Variants in PHF24 observed in about 807,000 individuals in gnomAD.
PHF24 encodes Galpha inhibitory interacting protein.
Under a neutral mutation model 42.6 loss-of-function variants are expected in PHF24, and 25 were observed. The observed-to-expected ratio is 0.59, with a 90% CI of 0.43 to 0.82. PHF24 has a LOEUF of 0.82. PHF24 is among the 40% of genes least tolerant of loss of function. The probability of loss-of-function intolerance (pLI) is 0.00; values close to 1 mark genes in which losing one functional copy is unlikely to be tolerated. For synonymous variants in PHF24, 185 were observed against 204.8 expected, an observed-to-expected ratio of 0.90 and a Z score of 0.83; for missense variants, 470 against 538.1, an observed-to-expected ratio of 0.87 and a Z score of 1.25.
chr9:34,745,741 G>A, the PHF24 span, among the ~76,000 whole-genome samples: 96 of 151,264 alleles, frequency 6.3e-4, no homozygotes, highest in Middle Eastern at 0.021. Flanking sequence ...AAGATGCATT[G>A]TACTTCTATA....
the PHF24 span, among the ~76,000 whole-genome samples, chr9:34,887,363 C>A: frequency 6.6e-6 from 1 of 152,152 alleles, no homozygotes; most frequent in African/African-American, 2.4e-5. Context: ...CTAATAGCTC[C>A]CCAATTTACT....
the PHF24 span, among the ~76,000 whole-genome samples, chr9:34,812,376 AT>A: frequency 9.2e-5 from 14 of 152,214 alleles, 1 homozygote; most frequent in Admixed American, 9.2e-4. Context: ...TGTGGAAAAC[AT>A]TTCGTGGTTC....
the PHF24 span, among the ~76,000 whole-genome samples, chr9:34,673,565 G>A: frequency 6.6e-6 from 1 of 151,890 alleles, no homozygotes; most frequent in African/African-American, 2.4e-5. Flanking sequence ...CCACCTCTTG[G>A]GCTCAAGTGA....
the PHF24 span, among the ~76,000 whole-genome samples, chr9:34,853,321 C>T: frequency 2.0e-5 from 3 of 152,102 alleles, no homozygotes; most frequent in Admixed American, 6.5e-5. Flanking sequence ...CCAACATGAC[C>T]ATGGTGGATA....
At chr9:34,848,122 G>A in the PHF24 span, among the ~76,000 whole-genome samples, 13 of 151,974 alleles carry the variant, frequency 8.6e-5, no homozygotes, top group African/African-American at 2.7e-4. Context: ...CATAAAATGA[G>A]TTAGGGAGGA....
chr9:34,692,066 G>A, the PHF24 span, among the ~76,000 whole-genome samples: 1 of 152,120 alleles, frequency 6.6e-6, no homozygotes, highest in East Asian at 1.9e-4. Context: ...GCCGATGGGG[G>A]AGGGGACAAG....
the PHF24 span, among the ~76,000 whole-genome samples, chr9:34,787,241 A>G: frequency 1.3e-5 from 2 of 152,086 alleles, no homozygotes; most frequent in Non-Finnish European, 2.9e-5. Context: ...AAACTAATAA[A>G]TTTTTCAAAC....
intron 1 of PHF24, 22 bp from the exon 2 acceptor site, chr9:34,971,272 GC>G: frequency 6.4e-7 from 1 of 1,569,860 alleles, no homozygotes; most frequent in Admixed American, 1.7e-5. Context: ...CTGAACCTGT[GC>G]CCCTCTGCTT....
the PHF24 span, chr9:34,917,470 G>A: frequency 1.3e-6 from 1 of 770,228 alleles, no homozygotes; most frequent in Non-Finnish European, 2.4e-6. Context: ...AGCTGGTATT[G>A]TGTGAAGTTT....
chr9:34,899,625 G>A, the PHF24 span, among the ~76,000 whole-genome samples: 18 of 152,204 alleles, frequency 1.2e-4, no homozygotes, highest in Non-Finnish European at 2.2e-4. Context: ...AGAATTTCCA[G>A]GGAGTTGGGC....
the PHF24 span, among the ~76,000 whole-genome samples, chr9:34,736,892 C>A: frequency 6.6e-6 from 1 of 152,126 alleles, no homozygotes; most frequent in East Asian, 1.9e-4. Flanking sequence ...GAATTCTATA[C>A]CACGCAAATG....
At chr9:34,771,840 G>A in the PHF24 span, among the ~76,000 whole-genome samples, 3 of 152,212 alleles carry the variant, frequency 2.0e-5, no homozygotes, top group African/African-American at 7.2e-5. Flanking sequence ...ATTTTGTGGT[G>A]CATTTCTCCA....
the PHF24 span, among the ~76,000 whole-genome samples, chr9:34,742,125 C>G: frequency 6.6e-6 from 1 of 152,312 alleles, no homozygotes; most frequent in South Asian, 2.1e-4. Context: ...AATAGAACAT[C>G]TGTATCTGTA....
At chr9:34,810,132 T>TA in the PHF24 span, among the ~76,000 whole-genome samples, 1 of 151,782 alleles carries the variant, frequency 6.6e-6, no homozygotes, top group Non-Finnish European at 1.5e-5. Flanking sequence ...GCCGGCAGTA[T>TA]AGAGTCCGCC....
chr9:34,875,547 T>C, the PHF24 span, among the ~76,000 whole-genome samples: 1 of 152,146 alleles, frequency 6.6e-6, no homozygotes, highest in African/African-American at 2.4e-5. Context: ...TAAACATTTA[T>C]AAAAATATAC....
chr9:34,845,683 T>C, the PHF24 span, among the ~76,000 whole-genome samples: 1 of 151,828 alleles, frequency 6.6e-6, no homozygotes, highest in Admixed American at 6.6e-5. Context: ...TGTGCCATGC[T>C]GGTGTGCTGC....
the PHF24 span, among the ~76,000 whole-genome samples, chr9:34,670,033 A>G: frequency 6.6e-6 from 1 of 152,174 alleles, no homozygotes; most frequent in Admixed American, 6.5e-5. Context: ...AAAACTCTGG[A>G]CACCAAAGCT....
At chr9:34,863,378 C>T in the PHF24 span, among the ~76,000 whole-genome samples, 13 of 151,576 alleles carry the variant, frequency 8.6e-5, no homozygotes, top group African/African-American at 2.9e-4. Context: ...TGGTGGTGGC[C>T]ACAGGGGTGC....
At chr9:34,782,360 C>T in the PHF24 span, among the ~76,000 whole-genome samples, 1 of 152,146 alleles carries the variant, frequency 6.6e-6, no homozygotes, top group Non-Finnish European at 1.5e-5. Flanking sequence ...ACACATCTCT[C>T]AACAATTCAT....
Sources: allele counts gnomAD v4.1 joint callset (sites outside exome capture counted in the v4.1 genomes callset), GRCh38; gene constraint gnomAD v4.1.1; transcripts MANE v1.5; gene names NCBI Gene and HGNC (gene_info 2026-07-23, HGNC 2026-07-21).